Variants in CSMD1 observed in about 807,000 individuals in gnomAD.
The protein encoded by CSMD1 is CUB and Sushi multiple domains 1.
Under a neutral mutation model 417.5 loss-of-function variants are expected in CSMD1, and 213 were observed. The observed-to-expected ratio is 0.51, with a 90% CI of 0.46 to 0.57. CSMD1 has a LOEUF of 0.57. Among genes scored for constraint, CSMD1 ranks in the 20% least tolerant of loss-of-function variants. CSMD1 has a pLI of 0.00. For synonymous variants in CSMD1, 2,862 were observed against 1,736.8 expected, an observed-to-expected ratio of 1.65 and a Z score of -16.11; for missense variants, 6,923 against 4,529.7, an observed-to-expected ratio of 1.53 and a Z score of -15.17.
At chr8:3,252,942 T>A (rs1412578815) in intron 26 of CSMD1, among the ~76,000 whole-genome samples, 2 of 152,222 alleles carry the variant, frequency 1.3e-5, no homozygotes, top group African/African-American at 4.8e-5. Context: ...GTCTATTTGA[T>A]TATTCTCTCT....
intron 10 of CSMD1, among the ~76,000 whole-genome samples, chr8:3,504,560 C>G (rs187216807): frequency 1.3e-5 from 2 of 152,180 alleles, no homozygotes; most frequent in Non-Finnish European, 2.9e-5. Flanking sequence ...CATTCTGCCA[C>G]CATTTGAAGT....
In CSMD1 at chr8:4,661,580, A is replaced by C. The variant is rs1337319600; in HGVS notation, c.86-24022T>G. ...GTATCTCCAATGTGTTCATCTCAAT[A>C]CCTTAGCTGTGATGTTGTACTATTT... On this transcript the variant is annotated intron_variant, in intron 1 of 69. Coordinates refer to ENST00000635120, the MANE Select transcript of CSMD1 (RefSeq NM_033225.6). Among the ~76,000 whole-genome samples the C allele has an allele frequency of 3.3e-5, 5 of 152,142 alleles. No individual in the cohort carries two copies. The East Asian group carries it at 9.6e-4, about 29-fold the overall frequency.
intron 6 of CSMD1, among the ~76,000 whole-genome samples, chr8:3,714,041 T>TAGAC (rs1396315435): frequency 4.7e-5 from 7 of 150,528 alleles, no homozygotes; most frequent in Admixed American, 4.0e-4. Flanking sequence ...GATAGATAGA[T>TAGAC]AGATAGATAG....
chr8:4,239,912 T>C (rs1015869886), intron 3 of CSMD1, among the ~76,000 whole-genome samples: 1 of 152,218 alleles, frequency 6.6e-6, no homozygotes, highest in Admixed American at 6.5e-5. Flanking sequence ...ATAAGTAAAA[T>C]AGAGTTGAAT....
At chr8:4,010,557 G>A (rs1299999481) in intron 4 of CSMD1, among the ~76,000 whole-genome samples, 2 of 152,070 alleles carry the variant, frequency 1.3e-5, no homozygotes, top group Middle Eastern at 3.4e-3. Context: ...CTCACTACCA[G>A]TAAGGCATCA....
intron 3 of CSMD1, among the ~76,000 whole-genome samples, chr8:4,304,343 T>G (rs1447548567): frequency 6.6e-6 from 1 of 152,178 alleles, no homozygotes; most frequent in Non-Finnish European, 1.5e-5. Flanking sequence ...ACTGATGTCT[T>G]AGATACATTC....
At chr8:3,982,163 T>TAAA (rs1563281222) in intron 5 of CSMD1, among the ~76,000 whole-genome samples, 1 of 74,264 alleles carries the variant, frequency 1.3e-5, no homozygotes, top group African/African-American at 5.2e-5. Context: ...ATCTCAAAAA[T>TAAA]AATAATAATA....
intron 2 of CSMD1, among the ~76,000 whole-genome samples, chr8:4,594,473 T>A (rs1195464805): frequency 6.6e-6 from 1 of 152,074 alleles, no homozygotes; most frequent in Non-Finnish European, 1.5e-5. Flanking sequence ...GTGCTGGGCT[T>A]AAAAGTGTGA....
intron 17 of CSMD1, among the ~76,000 whole-genome samples, chr8:3,394,004 A>ATAAAAG (rs33927495): frequency 3.1e-5 from 1 of 32,060 alleles, no homozygotes; most frequent in Non-Finnish European, 5.5e-5. Context: ...TAATAATAAA[A>ATAAAAG]AAATAAATTA....
intron 1 of CSMD1, among the ~76,000 whole-genome samples, chr8:4,814,837 G>A (rs1799115825): frequency 6.6e-6 from 1 of 151,872 alleles, no homozygotes; most frequent in African/African-American, 2.4e-5. Flanking sequence ...TTATAATACT[G>A]CGGACTCTTA....
rs78962478 is a variant in CSMD1, at chr8:4,900,291, C to G, written c.85+94041G>C. 8.2e-3 allele frequency among the ~76,000 whole-genome samples: 1,245 copies of G among 152,302 alleles called. 14 individuals carry two copies. Among genetic ancestry groups the G allele is most frequent in the African/African-American group, 0.027 (1,136 of 41,558 alleles). ...TCGCACTTTGAATCAGTATATGCAA[C>G]TCATCCACCTCCTATGTCCTTAGGC... On this transcript the variant is annotated intron_variant, in intron 1 of 69. Coordinates refer to ENST00000635120, the MANE Select transcript of CSMD1 (RefSeq NM_033225.6).
chr8:4,118,401 A>C (rs1245750740), intron 3 of CSMD1, among the ~76,000 whole-genome samples: 1 of 141,960 alleles, frequency 7.0e-6, no homozygotes, highest in East Asian at 2.2e-4. Context: ...AAAGAAATTT[A>C]CAAAAAAAAA....
intron 1 of CSMD1, among the ~76,000 whole-genome samples, chr8:4,957,813 G>C (rs1353035388): frequency 6.6e-6 from 1 of 152,166 alleles, no homozygotes; most frequent in African/African-American, 2.4e-5. Flanking sequence ...TACTAGCTAA[G>C]TAGGTGGATA....
At chr8:4,030,549 G>T (rs191239143) in intron 4 of CSMD1, among the ~76,000 whole-genome samples, 1 of 152,130 alleles carries the variant, frequency 6.6e-6, no homozygotes, top group Admixed American at 6.5e-5. Context: ...GGGGACCCTT[G>T]GCCCGGCCCT....
chr8:4,037,868 T>A (rs901517510), intron 3 of CSMD1, among the ~76,000 whole-genome samples: 1 of 152,110 alleles, frequency 6.6e-6, no homozygotes, highest in Non-Finnish European at 1.5e-5. Context: ...TATTCTCGTA[T>A]ACATACGTAC....
intron 63 of CSMD1, 27 bp from the exon 64 acceptor site, chr8:2,955,795 A>T: frequency 6.2e-7 from 1 of 1,603,772 alleles, no homozygotes; most frequent in Non-Finnish European, 8.5e-7. Context: ...AAACATTGAG[A>T]CTTTGTTTAT....
At chr8:3,729,956 A>AAAAAAAAAAAAAAAAAAG (rs1802739282) in intron 6 of CSMD1, among the ~76,000 whole-genome samples, 1 of 12,112 alleles carries the variant, frequency 8.3e-5, no homozygotes, top group African/African-American at 1.4e-4. Flanking sequence ...AAAAAAAAAA[A>AAAAAAAAAAAAAAAAAAG]AAAAACAAAA....
intron 12 of CSMD1, among the ~76,000 whole-genome samples, chr8:3,457,109 A>T (rs1816198809): frequency 6.7e-6 from 1 of 149,332 alleles, no homozygotes; most frequent in South Asian, 2.1e-4. Context: ...CTCCCTCTGA[A>T]TCCCTCACCC....
At chr8:4,560,102 A>T (rs1202600763) in intron 2 of CSMD1, among the ~76,000 whole-genome samples, 1 of 152,198 alleles carries the variant, frequency 6.6e-6, no homozygotes, top group Non-Finnish European at 1.5e-5. Context: ...GGCCACCTCC[A>T]CGTGGTGACT....
Sources: allele counts gnomAD v4.1 joint callset (sites outside exome capture counted in the v4.1 genomes callset), GRCh38; gene constraint gnomAD v4.1.1; transcripts MANE v1.5; gene names NCBI Gene and HGNC (gene_info 2026-07-23, HGNC 2026-07-21).